DNAAF11: variants seen among roughly 807,000 people sequenced by gnomAD.
DNAAF11 encodes leucine rich repeat containing 6.
In DNAAF11, 45 loss-of-function variants were observed where a neutral mutation model predicts 60.8. That is an observed-to-expected ratio of 0.74 (90% CI 0.58 to 0.95). DNAAF11 has a LOEUF of 0.95. Ranked by LOEUF, DNAAF11 falls within the 40% of genes least tolerant of loss-of-function variation. The probability of loss-of-function intolerance (pLI) is 0.00; values close to 1 mark genes in which losing one functional copy is unlikely to be tolerated. For missense variants in DNAAF11, 546 were observed against 546.2 expected (o/e 1.00, Z 0.00); for synonymous variants, 191 against 183.5 (o/e 1.04, Z -0.33).
the DNAAF11 span, among the ~76,000 whole-genome samples, chr8:132,691,131 T>C: frequency 6.6e-6 from 1 of 152,174 alleles, no homozygotes; most frequent in Non-Finnish European, 1.5e-5. Context: ...GAACTTCTTC[T>C]CCATAGGAGA....
At chr8:132,618,807 G>A (rs1327668349) in intron 7 of DNAAF11, among the ~76,000 whole-genome samples, 1 of 152,150 alleles carries the variant, frequency 6.6e-6, no homozygotes, top group Non-Finnish European at 1.5e-5. Context: ...AACAGGTGTT[G>A]GAGAGGATGT....
the DNAAF11 span, among the ~76,000 whole-genome samples, chr8:132,690,266 G>C: frequency 6.6e-6 from 1 of 152,118 alleles, no homozygotes; most frequent in Non-Finnish European, 1.5e-5. Flanking sequence ...GAGGAAGGGA[G>C]TTGATTGGAT....
intron 10 of DNAAF11, among the ~76,000 whole-genome samples, chr8:132,594,285 A>G (rs1002335007): frequency 6.6e-6 from 1 of 152,186 alleles, no homozygotes; most frequent in Non-Finnish European, 1.5e-5. Flanking sequence ...TAGATAGGTA[A>G]AGACAAATCA....
intron 1 of DNAAF11, among the ~76,000 whole-genome samples, chr8:132,674,859 G>T (rs556738422): frequency 2.2e-4 from 34 of 152,370 alleles, no homozygotes; most frequent in African/African-American, 7.5e-4. Context: ...CTGCACTCCA[G>T]CCTGGGCGAC....
upstream of DNAAF11, among the ~76,000 whole-genome samples, chr8:132,677,075 A>T (rs1422804285): frequency 6.6e-6 from 1 of 152,216 alleles, no homozygotes; most frequent in Non-Finnish European, 1.5e-5. Context: ...TTTCCACATG[A>T]TGATGACAAT....
At chr8:132,673,059 G>A (rs1272700091) in intron 1 of DNAAF11, among the ~76,000 whole-genome samples, 1 of 152,188 alleles carries the variant, frequency 6.6e-6, no homozygotes, top group African/African-American at 2.4e-5. Flanking sequence ...CATTTATTGG[G>A]AAGCACGGGG....
chr8:132,690,957 G>C, the DNAAF11 span, among the ~76,000 whole-genome samples: 1 of 152,138 alleles, frequency 6.6e-6, no homozygotes, highest in African/African-American at 2.4e-5. Context: ...GGCTAAAGTA[G>C]TATTTGTCAG....
chr8:132,698,570 T>C, the DNAAF11 span, among the ~76,000 whole-genome samples: 1 of 152,106 alleles, frequency 6.6e-6, no homozygotes, highest in African/African-American at 2.4e-5. Flanking sequence ...GCACAGTCAA[T>C]ATTTCCACCA....
the DNAAF11 span, chr8:132,687,634 C>T: frequency 1.6e-3 from 727 of 456,166 alleles, 13 homozygotes; most frequent in South Asian, 9.1e-3. Context: ...CCTCACCCAT[C>T]GTGTGGTTGG....
At chr8:132,607,326 C>T (rs1426256067) in intron 10 of DNAAF11, among the ~76,000 whole-genome samples, 3 of 152,236 alleles carry the variant, frequency 2.0e-5, no homozygotes, top group East Asian at 3.9e-4. Context: ...TACTAGGGAC[C>T]GTGATATTTG....
At position 132,632,810 on chromosome 8, in the gene DNAAF11, C is replaced by G; in HGVS notation, c.583G>C (p.Asp195His). Residue 195 changes from aspartate (D) to histidine (H), a missense_variant, in exon 5 of 12, where the codon GAT becomes CAT. Asp to His is a moderately conservative substitution (Grantham distance 81). Transcript: ENST00000620350. ...EEAQRKHQEE[D>H]KNEDKRSNAG... ...TTACTTCTCTTGTCTTCATTTTTAT[C>G]CTCTTCTTGGTGTTTCCTCTGAGCC... The G allele has an allele frequency of 6.2e-7, 1 of 1,613,916 alleles. No individual in the cohort carries two copies. Among genetic ancestry groups the G allele is most frequent in the Non-Finnish European group, 8.5e-7 (1 of 1,179,898 alleles).
chr8:132,683,216 C>A, the DNAAF11 span, among the ~76,000 whole-genome samples: 9 of 152,216 alleles, frequency 5.9e-5, no homozygotes, highest in Admixed American at 2.6e-4. Flanking sequence ...CCATGAGGAC[C>A]AACCTGAGGA....
intron 5 of DNAAF11, among the ~76,000 whole-genome samples, chr8:132,629,913 A>T (rs1211312435): frequency 6.6e-6 from 1 of 152,214 alleles, no homozygotes; most frequent in Non-Finnish European, 1.5e-5. Context: ...ATTCTACAAG[A>T]TACTTAGAAA....
the DNAAF11 span, among the ~76,000 whole-genome samples, chr8:132,699,460 G>T: frequency 6.6e-6 from 1 of 152,154 alleles, no homozygotes; most frequent in Non-Finnish European, 1.5e-5. Context: ...AAGCCAAGTG[G>T]CCTGATGTCA....
Position 132,572,275 on chromosome 8 carries a change from G to A in DNAAF11, c.*31C>T, listed in dbSNP as rs1384973218. 3 of 1,601,892 alleles carry A rather than the reference G, an allele frequency of 1.9e-6. No homozygotes were observed. In the African/African-American group the frequency reaches 4.0e-5, roughly 21 times the overall value. ...CACCAACCAAAACTGGACCTGGTGG[G>A]TCTCAGCCAATGGCAACGCAGCCAG... On this transcript the variant is annotated 3_prime_UTR_variant, in exon 12 of 12. Coordinates refer to ENST00000620350, the MANE Select transcript of DNAAF11 (RefSeq NM_012472.6).
rs56405379 is a variant in DNAAF11 at position 132,661,699 on chromosome 8, C to T, written c.11-72G>A. ...ATATAAGATTATTGTGTTGTTAACG[C>T]ATTTGTGTTTTTTTTGTTTGTTTTT... On this transcript the variant is annotated intron_variant, in intron 1 of 11. Coordinates refer to ENST00000620350, the MANE Select transcript of DNAAF11 (RefSeq NM_012472.6). The T allele has an allele frequency of 0.023, 34,133 of 1,496,826 alleles. 2,243 individuals are homozygous for T. The African/African-American group carries it at 0.23, about 10-fold the overall frequency. The allele number at this position is 1,496,826 out of a possible 1,614,324, so 92.7% of individuals were successfully genotyped here. A position where few individuals can be genotyped will look rare whatever the true frequency, so the allele number is the denominator to read the frequency against.
chr8:132,592,730 T>C (rs1462925953), intron 10 of DNAAF11, among the ~76,000 whole-genome samples: 3 of 152,170 alleles, frequency 2.0e-5, no homozygotes, highest in African/African-American at 4.8e-5. Flanking sequence ...AGGTAAGAGA[T>C]GATTGTTATC....
At chr8:132,694,799 G>A in the DNAAF11 span, among the ~76,000 whole-genome samples, 2 of 152,148 alleles carry the variant, frequency 1.3e-5, no homozygotes, top group South Asian at 2.1e-4. Context: ...CCAGGCTGGA[G>A]ATCTAGTTGG....
At chr8:132,675,440 C>T in intron 1 of DNAAF11, 44 bp downstream of exon 1, 4 of 1,551,942 alleles carry the variant, frequency 2.6e-6, no homozygotes, top group South Asian at 1.2e-5. Context: ...GGGACTACTT[C>T]CACAAGGGGA....
Sources: allele counts gnomAD v4.1 joint callset (sites outside exome capture counted in the v4.1 genomes callset), GRCh38; gene constraint gnomAD v4.1.1; transcripts MANE v1.5; gene names NCBI Gene and HGNC (gene_info 2026-07-23, HGNC 2026-07-21).